Variants in GRK3 observed in about 807,000 individuals in gnomAD.
GRK3 encodes G protein-coupled receptor kinase 3, also known as adrenergic, beta, receptor kinase 2.
Under a neutral mutation model 95.7 loss-of-function variants are expected in GRK3, and 54 were observed. The observed-to-expected ratio is 0.56, with a 90% CI of 0.45 to 0.71. The LOEUF (loss-of-function observed/expected upper bound fraction) is 0.71, where lower values mean the gene tolerates loss of function less well. GRK3 is among the 30% of genes least tolerant of loss of function. The probability of loss-of-function intolerance (pLI) is 0.00; values close to 1 mark genes in which losing one functional copy is unlikely to be tolerated. For synonymous variants in GRK3, 281 were observed against 290.8 expected, an observed-to-expected ratio of 0.97 and a Z score of 0.34; for missense variants, 649 against 851.2, an observed-to-expected ratio of 0.76 and a Z score of 2.96.
At chr22:25,570,593 CTCT>C (rs1931661231) in intron 1 of GRK3, among the ~76,000 whole-genome samples, 1 of 152,308 alleles carries the variant, frequency 6.6e-6, no homozygotes, top group South Asian at 2.1e-4. Flanking sequence ...CTATCATTGT[CTCT>C]TCTTATTCTC....
intron 1 of GRK3, among the ~76,000 whole-genome samples, chr22:25,567,760 A>G (rs112661211): frequency 1.3e-5 from 2 of 152,320 alleles, no homozygotes; most frequent in African/African-American, 4.8e-5. Context: ...TGCAGTCACT[A>G]TTCTTTGTGC....
intron 7 of GRK3, 63 bp from the exon 8 acceptor site, chr22:25,674,374 A>G (rs2085009602): frequency 1.5e-6 from 2 of 1,363,290 alleles, no homozygotes; most frequent in Admixed American, 1.8e-5. Flanking sequence ...TGCATGAAAA[A>G]ATCTTTAAAA....
At chr22:25,664,516 A>ATTTTT (rs1196086432) in intron 5 of GRK3, among the ~76,000 whole-genome samples, 5 of 121,550 alleles carry the variant, frequency 4.1e-5, no homozygotes, top group East Asian at 2.2e-4. Flanking sequence ...TGACTTTGGC[A>ATTTTT]TTTTTTTTTT....
intron 2 of GRK3, among the ~76,000 whole-genome samples, chr22:25,615,654 C>A (rs1310752677): frequency 2.1e-5 from 3 of 140,784 alleles, no homozygotes; most frequent in Non-Finnish European, 3.0e-5. Context: ...CTGGGGAATC[C>A]CTTAGGGAAC....
intron 2 of GRK3, among the ~76,000 whole-genome samples, chr22:25,610,718 C>T (rs965596760): frequency 1.7e-4 from 26 of 152,148 alleles, no homozygotes; most frequent in African/African-American, 5.3e-4. Flanking sequence ...TGGAATTATA[C>T]GGTATAAAGT....
At chr22:25,638,737 A>T (rs539101810) in intron 2 of GRK3, among the ~76,000 whole-genome samples, 2 of 152,276 alleles carry the variant, frequency 1.3e-5, no homozygotes, top group Admixed American at 1.3e-4. Context: ...ACTCCAGTCA[A>T]CACAAGATCT....
rs1034281580 is a variant in GRK3, at chr22:25,568,653, A to G, written c.113+3500A>G. On this transcript the variant is annotated intron_variant, in intron 1 of 20. Coordinates refer to ENST00000324198, the MANE Select transcript of GRK3 (RefSeq NM_005160.4). The stretch of plus-strand genomic sequence containing the variant: ...GGGGTACTATGACAAACCCAGCCAC[A>G]GCCCCTTCCTTCATGGAGCTTATAG... 5.3e-5 allele frequency among the ~76,000 whole-genome samples: 8 copies of G among 152,204 alleles called. No individual in the cohort carries two copies. In the East Asian group the frequency reaches 7.7e-4, roughly 15 times the overall value.
chr22:25,615,340 G>A (rs992806464), intron 2 of GRK3, among the ~76,000 whole-genome samples: 17 of 152,128 alleles, frequency 1.1e-4, no homozygotes, highest in Non-Finnish European at 2.4e-4. Flanking sequence ...TTTTTGAACT[G>A]ACAGTGGGGG....
At chr22:25,581,141 A>T (rs1322551084) in intron 1 of GRK3, 1 of 152,242 alleles carries the variant, frequency 6.6e-6, no homozygotes, top group Non-Finnish European at 1.5e-5. Context: ...AAAAGAAAAA[A>T]AATGGAGGGT....
chr22:25,712,638 A>G (rs2085352973), intron 17 of GRK3, among the ~76,000 whole-genome samples: 1 of 152,248 alleles, frequency 6.6e-6, no homozygotes, highest in East Asian at 1.9e-4. Context: ...CACTGAGCTG[A>G]GTGAATGTGG....
In GRK3 at chr22:25,654,487, C is replaced by T. The variant is rs144752668; in HGVS notation, c.265-7089C>T. 7.5e-4 allele frequency among the ~76,000 whole-genome samples: 114 copies of T among 152,276 alleles called. No individual in the cohort carries two copies. In the East Asian group the frequency reaches 0.013, roughly 17 times the overall value. Reference sequence around the variant, plus strand: ...GGAAGAAGGGTCAAATTATGATGTACGTTTACCATAATGTAAAAACGTAAG... The same window carrying T: ...GGAAGAAGGGTCAAATTATGATGTATGTTTACCATAATGTAAAAACGTAAG... On this transcript the variant is annotated intron_variant, in intron 3 of 20. Transcript: ENST00000324198.
intron 15 of GRK3, among the ~76,000 whole-genome samples, chr22:25,706,423 G>T (rs1439655092): frequency 2.6e-5 from 4 of 152,182 alleles, no homozygotes; most frequent in Non-Finnish European, 2.9e-5. Flanking sequence ...CAGTAGCTCT[G>T]CCCTGCTTTG....
chr22:25,709,620 G>GTA (rs750211622), intron 15 of GRK3, among the ~76,000 whole-genome samples: 45 of 151,890 alleles, frequency 3.0e-4, no homozygotes, highest in Non-Finnish European at 5.0e-4. Context: ...GTGTGCGTGT[G>GTA]TATATATATA....
At chr22:25,694,216 C>T (rs2085188680) in intron 12 of GRK3, among the ~76,000 whole-genome samples, 1 of 152,170 alleles carries the variant, frequency 6.6e-6, no homozygotes, top group Admixed American at 6.5e-5. Flanking sequence ...GAGATGTCAT[C>T]TGATTACCCA....
chr22:25,623,897 A>G (rs527414470), intron 2 of GRK3, among the ~76,000 whole-genome samples: 1 of 152,198 alleles, frequency 6.6e-6, no homozygotes, highest in African/African-American at 2.4e-5. Flanking sequence ...TTCTTTCTCC[A>G]GCCCTTTTGT....
chr22:25,620,006 TTGTGTGTGTGTGTGTGTGTGTG>T (rs56260834), intron 2 of GRK3, among the ~76,000 whole-genome samples: 5 of 90,322 alleles, frequency 5.5e-5, no homozygotes, highest in African/African-American at 2.6e-4. Context: ...TTTGTCTTTT[TTGTGTGTGTGTGTGTGTGTGTG>T]TGTGTGTGTG....
At chr22:25,576,641 C>T (rs41258294) in intron 1 of GRK3, among the ~76,000 whole-genome samples, 4,511 of 152,250 alleles carry the variant, frequency 0.03, 119 homozygotes, top group Middle Eastern at 0.068. Context: ...CAAGGTCGCG[C>T]TGATAACAAA....
In GRK3 at chr22:25,722,487, C is replaced by T. The variant is rs1209308028; in HGVS notation, c.*37C>T. ...AGGGAGGGTCCTCGAGGAGGACACA[C>T]CAGGGTCTCAGCCTTTTGGGGTGAA... On this transcript the variant is annotated 3_prime_UTR_variant, in exon 21 of 21. Coordinates refer to ENST00000324198, the MANE Select transcript of GRK3 (RefSeq NM_005160.4). 6.2e-7 allele frequency: 1 copy of T among 1,606,440 alleles called. No individual in the cohort carries two copies. Among genetic ancestry groups the T allele is most frequent in the South Asian group, 1.1e-5 (1 of 90,800 alleles).
chr22:25,594,074 T>G (rs1374348988), intron 1 of GRK3, among the ~76,000 whole-genome samples: 1 of 152,214 alleles, frequency 6.6e-6, no homozygotes. Context: ...AAGATTACTT[T>G]GGCTATTTGG....
Sources: gnomAD v4.1 joint callset for allele counts (sites outside exome capture counted in the v4.1 genomes callset) on GRCh38, gnomAD v4.1.1 for gene constraint, MANE v1.5 for transcripts, NCBI Gene and HGNC (gene_info 2026-07-23, HGNC 2026-07-21) for gene names.